The following SNRPN variants were observed in gnomAD, a reference collection of about 807,000 sequenced individuals.
SNRPN encodes small nuclear ribonucleoprotein-associated protein N.
In SNRPN, 7 loss-of-function variants were observed where a neutral mutation model predicts 25.2. That is an observed-to-expected ratio of 0.28 (90% CI 0.16 to 0.52). The LOEUF (loss-of-function observed/expected upper bound fraction) is 0.52. SNRPN is among the 20% of genes least tolerant of loss of function. The pLI is 0.96. For synonymous variants in SNRPN, 124 were observed against 110.6 expected, an observed-to-expected ratio of 1.12 and a Z score of -0.76; for missense variants, 196 against 322.5, an observed-to-expected ratio of 0.61 and a Z score of 3.00.
chr15:24,971,522 G>T (rs1227478537), intron 3 of SNRPN, among the ~76,000 whole-genome samples: 3 of 151,340 alleles, frequency 2.0e-5, no homozygotes, highest in Non-Finnish European at 4.4e-5. Context: ...AGCTATACAG[G>T]TTATTATTAT....
intron 2 of SNRPN, among the ~76,000 whole-genome samples, chr15:24,831,723 G>A (rs1479852672): frequency 3.3e-5 from 5 of 151,894 alleles, no homozygotes; most frequent in Non-Finnish European, 7.4e-5. Flanking sequence ...GGTTCATGTG[G>A]TATTTGTCTT....
chr15:24,894,655 T>A (rs1430252607), intron 2 of SNRPN, among the ~76,000 whole-genome samples: 2 of 152,178 alleles, frequency 1.3e-5, no homozygotes, highest in Non-Finnish European at 2.9e-5. Flanking sequence ...ATTTTTATAA[T>A]TTTTTTCCTA....
intron 3 of SNRPN, among the ~76,000 whole-genome samples, chr15:24,973,329 C>T (rs1423981763): frequency 6.6e-6 from 1 of 152,166 alleles, no homozygotes; most frequent in Non-Finnish European, 1.5e-5. Context: ...TGTAAGTACA[C>T]TGTTCATACT....
At chr15:24,882,613 T>A (rs1369633600) in intron 1 of SNRPN, among the ~76,000 whole-genome samples, 1 of 151,858 alleles carries the variant, frequency 6.6e-6, no homozygotes, top group African/African-American at 2.4e-5. Flanking sequence ...GATCATGAGG[T>A]CAGGAGTTCG....
chr15:24,976,465 T>C, intron 6 of SNRPN, 49 bp downstream of exon 6: 2 of 1,229,964 alleles, frequency 1.6e-6, no homozygotes, highest in South Asian at 1.3e-5. Flanking sequence ...AGGGACATCA[T>C]ATTATGTGAG....
rs1042613340 is a variant in SNRPN, at chr15:24,827,290, G to A, written c.-686-2508G>A. Among the ~76,000 whole-genome samples the A allele has an allele frequency of 1.4e-4, 22 of 151,820 alleles. 1 individual carries two copies. The highest frequency in any genetic ancestry group is 5.9e-4 in the Admixed American group (9 of 15,244). ...AGCACTTTGGGAGGCCGAGGCAGGC[G>A]GATCACGAGGTCAGGAGATTGAGAC... On this transcript the variant is annotated intron_variant, in intron 1 of 12. Coordinates refer to the SNRPN transcript ENST00000400100.
chr15:24,887,297 G>A (rs1264776726), intron 2 of SNRPN, among the ~76,000 whole-genome samples: 2 of 151,874 alleles, frequency 1.3e-5, no homozygotes, highest in East Asian at 3.9e-4. Flanking sequence ...ACAGGCATGC[G>A]CCACCATGCC....
intron 3 of SNRPN, among the ~76,000 whole-genome samples, chr15:24,927,551 A>G (rs1248195819): frequency 7.3e-6 from 1 of 136,076 alleles, no homozygotes; most frequent in East Asian, 2.2e-4. Context: ...GGTTGCAGAC[A>G]TCATGTCCCT....
chr15:24,874,509 G>T (rs1391231652), intron 1 of SNRPN, among the ~76,000 whole-genome samples: 1 of 152,084 alleles, frequency 6.6e-6, no homozygotes. Flanking sequence ...GTAAATGAAA[G>T]AATAGTGTAA....
intron 1 of SNRPN, among the ~76,000 whole-genome samples, chr15:24,858,587 G>C (rs1021198132): frequency 3.3e-5 from 5 of 151,860 alleles, no homozygotes; most frequent in African/African-American, 4.8e-5. Context: ...ATAAGGCCAG[G>C]AGTTTGATAC....
At chr15:24,843,979 A>C (rs1248802602) in intron 2 of SNRPN, among the ~76,000 whole-genome samples, 1 of 152,032 alleles carries the variant, frequency 6.6e-6, no homozygotes, top group African/African-American at 2.4e-5. Flanking sequence ...CTTGAAAAAA[A>C]AAAAAAACGT....
At chr15:24,922,145 G>A (rs1448240819) in intron 3 of SNRPN, among the ~76,000 whole-genome samples, 2 of 152,070 alleles carry the variant, frequency 1.3e-5, no homozygotes, top group African/African-American at 2.4e-5. Flanking sequence ...CCTGGGAGGC[G>A]GAGGTTGCAG....
At chr15:24,972,127 G>A (rs1211745039) in intron 3 of SNRPN, among the ~76,000 whole-genome samples, 1 of 151,784 alleles carries the variant, frequency 6.6e-6, no homozygotes, top group Non-Finnish European at 1.5e-5. Flanking sequence ...GTGGTGGCGG[G>A]CGCCTGTAAT....
intron 3 of SNRPN, among the ~76,000 whole-genome samples, chr15:24,922,537 G>A (rs1247939451): frequency 6.6e-6 from 1 of 152,130 alleles, no homozygotes; most frequent in East Asian, 1.9e-4. Context: ...TCTGAATCTT[G>A]ACCTTTTATT....
At chr15:24,934,340 G>A (rs1335027215) in intron 3 of SNRPN, among the ~76,000 whole-genome samples, 1 of 151,806 alleles carries the variant, frequency 6.6e-6, no homozygotes, top group Non-Finnish European at 1.5e-5. Flanking sequence ...CAAAAGAATA[G>A]CATTTAATAA....
intron 2 of SNRPN, among the ~76,000 whole-genome samples, chr15:24,891,562 C>T (rs2057679703): frequency 2.0e-5 from 3 of 152,180 alleles, no homozygotes; most frequent in Admixed American, 1.3e-4. Flanking sequence ...CTCACCCTCC[C>T]AAGTAGCTGG....
intron 2 of SNRPN, among the ~76,000 whole-genome samples, chr15:24,831,939 G>T (rs988382051): frequency 6.6e-6 from 1 of 151,446 alleles, no homozygotes; most frequent in Non-Finnish European, 1.5e-5. Flanking sequence ...ATGTGGGAGT[G>T]CAGATATCTA....
At chr15:24,927,520 C>CTTTTTTTTTTTTTTTTTTTTTT (rs2060497188) in intron 3 of SNRPN, among the ~76,000 whole-genome samples, 3 of 73,724 alleles carry the variant, frequency 4.1e-5, no homozygotes, top group East Asian at 4.5e-4. Flanking sequence ...TTTTTTTTTA[C>CTTTTTTTTTTTTTTTTTTTTTT]TTTTGACCAC....
At chr15:24,852,095 C>T (rs1302746710), upstream of SNRPN, 2 of 152,202 alleles carry the variant, frequency 1.3e-5, no homozygotes, top group Middle Eastern at 3.4e-3. Context: ...AGTTTTTCTT[C>T]GTTGATCATT....
Sources: gnomAD v4.1 joint callset for allele counts (sites outside exome capture counted in the v4.1 genomes callset) on GRCh38, gnomAD v4.1.1 for gene constraint, MANE v1.5 for transcripts, NCBI Gene and HGNC (gene_info 2026-07-23, HGNC 2026-07-21) for gene names.